Variants in CEP170B observed in about 807,000 individuals in gnomAD.
CEP170B encodes centrosomal protein of 170 kDa protein B.
In CEP170B, 55 loss-of-function variants were observed where a neutral mutation model predicts 120.6. That is an observed-to-expected ratio of 0.46 (90% CI 0.37 to 0.57). CEP170B has a LOEUF of 0.57. Ranked by LOEUF, CEP170B falls within the 20% of genes least tolerant of loss-of-function variation. The pLI, the probability that CEP170B is intolerant of heterozygous loss-of-function variation, is 0.00. For missense variants in CEP170B, 2,212 were observed against 2,253.3 expected, an observed-to-expected ratio of 0.98 and a Z score of 0.37; for synonymous variants, 1,033 against 954.5, an observed-to-expected ratio of 1.08 and a Z score of -1.52.
At position 104,880,275 on chromosome 14, in the gene CEP170B, G is replaced by T; in HGVS notation, c.334-12G>T. Reference sequence around the variant, plus strand: ...TGGGCCCAGTACCTCACCCCGCCTGGCCTGCCCACAGCATGAAAAGTACAC... The same window carrying T: ...TGGGCCCAGTACCTCACCCCGCCTGTCCTGCCCACAGCATGAAAAGTACAC... On this transcript the variant is annotated splice_polypyrimidine_tract_variant and intron_variant, in intron 5 of 18. Transcript: ENST00000414716. The T allele has an allele frequency of 6.3e-7, 1 of 1,584,238 alleles. No individual in the cohort carries two copies. Among genetic ancestry groups the T allele is most frequent in the Non-Finnish European group, 8.6e-7 (1 of 1,166,398 alleles).
rs764859247 is a variant in CEP170B at position 104,894,945 on chromosome 14, G to C, written c.4652G>C (p.Arg1551Thr). ...PDPTFLPDAE[R>T]FLI ...CCCACCTTCCTCCCTGATGCCGAGA[G>C]GTTCCTGATCTAGGCCCCAGACCTG... The change falls in exon 19 of 19, where the codon AGG becomes ACG. Residue 1551 changes from arginine to threonine, a missense_variant. By Grantham distance (71) the Arg-to-Thr change is moderately conservative. Around this residue, in one of 2 missense-constraint regions of CEP170B, gnomAD observed 2,166 missense variants for 2,166.7 expected, o/e 1.00. Coordinates refer to ENST00000414716, the MANE Select transcript of CEP170B (RefSeq NM_001112726.3). The C allele has an allele frequency of 2.5e-6, 4 of 1,587,792 alleles. No homozygotes were observed. In the South Asian group the frequency reaches 4.5e-5, roughly 18 times the overall value.
At position 104,887,136 on chromosome 14, in the gene CEP170B, G is replaced by C. The variant is rs1245301904; in HGVS notation, c.2897G>C (p.Ser966Thr). 8 of 1,610,150 alleles carry C rather than the reference G, an allele frequency of 5.0e-6. No homozygotes were observed. The highest frequency in any genetic ancestry group is 8.5e-7 in the Non-Finnish European group (1 of 1,179,748). The part of the protein sequence containing the change: ...VDTASTVSLR[S>T]GKSGPSPTTP... ...ACAGCCAGCACCGTCAGCCTGCGTA[G>C]TGGCAAGAGCGGGCCCAGCCCCACA... is the stretch of plus-strand genomic sequence containing the variant. The change falls in exon 12 of 19, where the codon AGT (serine) becomes ACT (threonine). Residue 966 changes from serine to threonine, a missense_variant. By Grantham distance (58) the Ser-to-Thr change is moderately conservative (BLOSUM62 1). Transcript: ENST00000414716.
In CEP170B at chr14:104,886,814, C is replaced by T. The variant is rs1170552448; in HGVS notation, c.2575C>T (p.Pro859Ser). ...TGGACGGTCCCCAGAACCCGACGGCCCTGCCCCAGCCTTTCTCCGGCAAGA... is the reference window on the plus strand; with the variant it reads ...TGGACGGTCCCCAGAACCCGACGGCTCTGCCCCAGCCTTTCTCCGGCAAGA... Reference protein sequence around the residue: ...RPGRSPEPDGPAPAFLRQESF... With the variant: ...RPGRSPEPDGSAPAFLRQESF... Residue 859 changes from proline (P) to serine (S), a missense_variant, in exon 12 of 19, where the codon CCT (proline) becomes TCT (serine). Pro to Ser is a moderately conservative substitution (Grantham distance 74). Coordinates refer to ENST00000414716, the MANE Select transcript of CEP170B (RefSeq NM_001112726.3). The T allele has an allele frequency of 1.9e-6, 3 of 1,611,342 alleles. No individual in the cohort carries two copies. The Admixed American group carries it at 5.0e-5, about 27-fold the overall frequency.
In CEP170B at chr14:104,884,410, CG is replaced by C; in HGVS notation, c.1632del (p.Ala546ProfsTer7). ...GTSPVGPPTP[P>X]PAPTDPQLTK... ...AGCCCCGTGGGCCCCCCGACCCCAC[CG>C]CCCGCCCCCACGGACCCCCAGCTGA... is the stretch of plus-strand genomic sequence containing the variant. On this transcript the variant is annotated frameshift_variant, in exon 9 of 19. Transcript: ENST00000414716. LOFTEE classifies it high-confidence loss of function. The C allele has an allele frequency of 6.5e-7, 1 of 1,547,454 alleles. No homozygotes were observed. The highest frequency in any genetic ancestry group is 8.7e-7 in the Non-Finnish European group (1 of 1,146,112).
In CEP170B at chr14:104,886,083, C is replaced by T. The variant is rs1246706592; in HGVS notation, c.1988C>T (p.Ser663Phe). 2 of 1,546,812 alleles carry T rather than the reference C, an allele frequency of 1.3e-6. No individual in the cohort carries two copies. Among genetic ancestry groups the T allele is most frequent in the African/African-American group, 1.4e-5 (1 of 73,022 alleles). ...TCCCCTGGGGGTCAGAAGTGGGTGT[C>T]CCGCTGGGCCAGCCTGGCTGACAGC... ...PGSPGGQKWVSRWASLADSYS... is the reference protein window; with the variant it reads ...PGSPGGQKWVFRWASLADSYS... The change falls in exon 11 of 19, where the codon TCC becomes TTC. Residue 663 changes from serine (S) to phenylalanine (F), a missense_variant. Transcript: ENST00000414716.
chr14:104,866,337 G>A (rs1895205200), intron 1 of CEP170B, among the ~76,000 whole-genome samples: 1 of 152,222 alleles, frequency 6.6e-6, no homozygotes, highest in South Asian at 2.1e-4. Context: ...AGAGGGTGAG[G>A]CCTAGGAGGG....
intron 2 of CEP170B, among the ~76,000 whole-genome samples, chr14:104,872,423 CCGTG>C (rs1895600419): frequency 1.7e-5 from 1 of 59,224 alleles, no homozygotes; most frequent in African/African-American, 5.4e-5. Flanking sequence ...CGTGGGTGTG[CCGTG>C]CGTGTGTGCG....
At chr14:104,881,555 T>TC (rs1224581423) in intron 6 of CEP170B, among the ~76,000 whole-genome samples, 2 of 152,138 alleles carry the variant, frequency 1.3e-5, no homozygotes, top group Admixed American at 1.3e-4. Context: ...CCATCTGAGC[T>TC]CCCCAGAGCA....
chr14:104,870,250 A>T lies in CEP170B; in HGVS notation c.105+1695A>T, dbSNP rs868062126. ...GGCAGCACCTGCACTTCATTTATGG[A>T]TGTTGAAGTATCAATTTCCCATAAT... is the stretch of plus-strand genomic sequence containing the variant. On this transcript the variant is annotated intron_variant, in intron 2 of 18. Coordinates refer to ENST00000414716, the MANE Select transcript of CEP170B (RefSeq NM_001112726.3). This position sits in a 1 kb window ranked among gnomAD's most constrained non-coding sequence, Gnocchi z 4.1. Among the ~76,000 whole-genome samples, 1 of 152,192 alleles carries T rather than the reference A, an allele frequency of 6.6e-6. No individual in the cohort carries two copies. The highest frequency in any genetic ancestry group is 1.5e-5 in the Non-Finnish European group (1 of 68,036).
chr14:104,881,500 G>A (rs111860167), intron 6 of CEP170B, among the ~76,000 whole-genome samples: 38 of 152,290 alleles, frequency 2.5e-4, no homozygotes, highest in African/African-American at 7.2e-4. Context: ...ATGCAGGTCC[G>A]CCCAGAATGG....
At chr14:104,884,615 G>A (rs1306278404) in intron 9 of CEP170B, 66 bp downstream of exon 9, 3 of 1,445,596 alleles carry the variant, frequency 2.1e-6, no homozygotes, top group Non-Finnish European at 1.9e-6. Context: ...GCCGGGGGTG[G>A]CGAGTGAGAG....
intron 17 of CEP170B, 23 bp downstream of exon 17, chr14:104,894,401 C>A: frequency 6.2e-7 from 1 of 1,609,632 alleles, no homozygotes; most frequent in Non-Finnish European, 8.5e-7. Flanking sequence ...GCCCCGTGCC[C>A]CTTGGCCTGC....
chr14:104,885,662 G>GTGTCC (rs1896446190), intron 10 of CEP170B, 120 bp downstream of exon 10: 25 of 1,297,246 alleles, frequency 1.9e-5, no homozygotes, highest in Non-Finnish European at 2.4e-5. Flanking sequence ...TGAGGGACAC[G>GTGTCC]CTCAGAGGAG....
chr14:104,884,051 C>T lies in CEP170B; in HGVS notation c.1272C>T (p.His424=). The T allele has an allele frequency of 6.2e-7, 1 of 1,609,434 alleles. No individual in the cohort carries two copies. The highest frequency in any genetic ancestry group is 1.1e-5 in the South Asian group (1 of 90,548). The change falls in exon 9 of 19, where the codon CAC becomes CAT. Residue 424 remains histidine, a synonymous_variant. Coordinates refer to ENST00000414716, the MANE Select transcript of CEP170B (RefSeq NM_001112726.3). The stretch of plus-strand genomic sequence containing the variant: ...AGAAGCGCTCCCAGTCCTTCACGCA[C>T]AGCCCGTCCGGGGACCCCAAGGCCG... The part of the protein sequence containing the change: ...PRKKRSQSFT[H]SPSGDPKADK...
In CEP170B at chr14:104,883,373, G is replaced by T; in HGVS notation, c.916G>T (p.Glu306Ter). 6.2e-7 allele frequency: 1 copy of T among 1,607,312 alleles called. No individual in the cohort carries two copies. Among genetic ancestry groups the T allele is most frequent in the Admixed American group, 1.7e-5 (1 of 59,228 alleles). ...RPPGKEATPG[E>*]MVSAETKVAD... The stretch of plus-strand genomic sequence containing the variant: ...CCCGGGCAAGGAGGCCACACCTGGC[G>T]AGATGGTGTCGGCTGAGACCAAGGT... The change falls in exon 8 of 19, where the codon GAG becomes TAG. Residue 306 changes from glutamate to a stop codon, truncating the protein, a stop_gained. Coordinates refer to ENST00000414716, the MANE Select transcript of CEP170B (RefSeq NM_001112726.3). LOFTEE classifies it high-confidence loss of function.
Position 104,878,502 on chromosome 14 carries a change from G to A in CEP170B, c.333+1G>A. 6.2e-7 allele frequency: 1 copy of A among 1,610,840 alleles called. No individual in the cohort carries two copies. The highest frequency in any genetic ancestry group is 1.1e-5 in the South Asian group (1 of 91,078). On this transcript the variant is annotated splice_donor_variant, in intron 5 of 18. Transcript: ENST00000414716. LOFTEE classifies it high-confidence loss of function. ...CCGAGTCCCGGAGGAGGCACTCAAG[G>A]TTAGTGCTGGCCAAGCCCGGGTGGC...
chr14:104,882,191 A>G (rs1292253160), intron 6 of CEP170B, among the ~76,000 whole-genome samples: 1 of 152,074 alleles, frequency 6.6e-6, no homozygotes, highest in East Asian at 1.9e-4. Flanking sequence ...CCTCCTGGTC[A>G]TTAAGGCAAA....
rs747034190 is a variant in CEP170B, at chr14:104,883,932, C to T, written c.1153C>T (p.Arg385Trp). 37 of 1,600,620 alleles carry T rather than the reference C, an allele frequency of 2.3e-5. No homozygotes were observed. The Middle Eastern group carries it at 6.6e-4, about 29-fold the overall frequency. ...VPLEASGEQV[R>W]LQRQIKRDPQ... ...CTTGGAGGCCAGCGGGGAGCAGGTGCGGCTGCAGAGGCAGATCAAGCGGGA... is the reference window on the plus strand; with the variant it reads ...CTTGGAGGCCAGCGGGGAGCAGGTGTGGCTGCAGAGGCAGATCAAGCGGGA... Residue 385 changes from arginine (R) to tryptophan (W), a missense_variant, in exon 9 of 19, where the codon CGG (arginine) becomes TGG (tryptophan). This residue lies in a region of CEP170B where 2,166 missense variants were observed against 2,166.7 expected (regional missense o/e 1.00). Transcript: ENST00000414716.
chr14:104,882,256 G>A (rs1896194646), intron 6 of CEP170B, among the ~76,000 whole-genome samples: 1 of 152,214 alleles, frequency 6.6e-6, no homozygotes, highest in South Asian at 2.1e-4. Flanking sequence ...CACCCCCAGG[G>A]CCACCCATTT....
Sources: gnomAD v4.1 joint callset for allele counts (sites outside exome capture counted in the v4.1 genomes callset) on GRCh38, gnomAD v4.1.1 for gene constraint, gnomAD v4.1.1 regional missense constraint, Gnocchi (gnomAD v3.1) non-coding constraint, MANE v1.5 for transcripts, NCBI Gene and HGNC (gene_info 2026-07-23, HGNC 2026-07-21) for gene names.